Variants in AP3D1 observed in about 807,000 individuals in gnomAD.
AP3D1 encodes adaptor related protein complex 3 subunit delta 1.
AP3D1 carries 51 observed loss-of-function variants against 147.6 expected under a neutral mutation model. The ratio of observed to expected loss-of-function variants is 0.35; its 90% CI spans 0.28 to 0.44. The LOEUF is 0.44. Among genes scored for constraint, AP3D1 ranks in the 20% least tolerant of loss-of-function variants. AP3D1 has a pLI of 1.00. For missense variants in AP3D1, 1,421 were observed against 1,624.2 expected (o/e 0.87, Z 2.15); for synonymous variants, 760 against 663.0 (o/e 1.15, Z -2.25).
chr19:2,158,286 G>A (rs1212603980), intron 1 of AP3D1, among the ~76,000 whole-genome samples: 1 of 151,662 alleles, frequency 6.6e-6, no homozygotes, highest in Non-Finnish European at 1.5e-5. Context: ...TCGATCTCCT[G>A]ACCTTGTGAT....
chr19:2,118,479 A>G (rs1384752172), intron 15 of AP3D1, 122 bp downstream of exon 15: 3 of 995,278 alleles, frequency 3.0e-6, no homozygotes, highest in South Asian at 1.6e-5. Flanking sequence ...AAGTGGCAAC[A>G]AAAGAATCTC....
intron 31 of AP3D1, among the ~76,000 whole-genome samples, chr19:2,106,539 T>G (rs2018114481): frequency 6.6e-6 from 1 of 151,598 alleles, no homozygotes. Context: ...AGAACAAGAC[T>G]CTGTTTCCAA....
chr19:2,128,159 C>T (rs1478280739), intron 8 of AP3D1, among the ~76,000 whole-genome samples: 13 of 152,208 alleles, frequency 8.5e-5, no homozygotes, highest in South Asian at 6.2e-4. Context: ...GTCCTGGCTC[C>T]GCCTCAGCAC....
rs1354372057 is a variant in AP3D1, at chr19:2,115,323, T to C, written c.2245A>G (p.Lys749Glu). 4 of 1,611,330 alleles carry C rather than the reference T, an allele frequency of 2.5e-6. No homozygotes were observed. Among genetic ancestry groups the C allele is most frequent in the Non-Finnish European group, 3.4e-6 (4 of 1,179,824 alleles). The change falls in exon 20 of 32, where the codon AAG (lysine) becomes GAG (glutamate). Residue 749 changes from lysine to glutamate, a missense_variant. By Grantham distance (56) the Lys-to-Glu change is moderately conservative. This residue lies in a region of AP3D1 where 791 missense variants were observed against 761.4 expected (regional missense o/e 1.04). Transcript: ENST00000643116. ...TGGCGGCGCTTGCCCTTCTTCTCCT[T>C]CTCCTTCCTCTTTTTCCTCCTCTTG... ...KDKRRKKRKE[K>E]EKKGKRRHSS... is the part of the protein sequence containing the mutation.
intron 31 of AP3D1, among the ~76,000 whole-genome samples, chr19:2,104,659 G>C (rs112753260): frequency 0.031 from 4,624 of 147,224 alleles, 250 homozygotes; most frequent in African/African-American, 0.11. Context: ...AGGACTCTCT[G>C]ACACAAGTTT....
chr19:2,121,103 G>T lies in AP3D1; in HGVS notation c.1251-11C>A, dbSNP rs1028707593. On this transcript the variant is annotated splice_polypyrimidine_tract_variant and intron_variant, in intron 13 of 31. Coordinates refer to ENST00000643116, the MANE Select transcript of AP3D1 (RefSeq NM_001261826.3). The stretch of plus-strand genomic sequence containing the variant: ...AGGATGCTGATGTACCTGTGGGGCA[G>T]AGGCGGTGAGTGAGCGGCGCCACGG... 2.5e-6 allele frequency: 4 copies of T among 1,613,524 alleles called. No individual in the cohort carries two copies. Among genetic ancestry groups the T allele is most frequent in the Admixed American group, 1.7e-5 (1 of 59,992 alleles).
At chr19:2,122,003 G>A (rs2018625373) in intron 11 of AP3D1, 124 bp from the exon 12 acceptor site, 2 of 1,127,838 alleles carry the variant, frequency 1.8e-6, no homozygotes, top group South Asian at 3.3e-5. Flanking sequence ...CAACCTGGGG[G>A]TGGACAGAGC....
chr19:2,115,095 C>G (rs967939563), intron 20 of AP3D1, 124 bp downstream of exon 20: 1 of 1,046,872 alleles, frequency 9.6e-7, no homozygotes, highest in Non-Finnish European at 1.4e-6. Context: ...CCTATGCTCT[C>G]CGGGGTGGGG....
chr19:2,110,275 T>C (rs1221563811), intron 27 of AP3D1, 51 bp from the exon 28 acceptor site: 6 of 1,501,954 alleles, frequency 4.0e-6, no homozygotes, highest in Non-Finnish European at 4.6e-6. Context: ...GGGCTCAGCA[T>C]GGGTGGGGCC....
intron 15 of AP3D1, 57 bp from the exon 16 acceptor site, chr19:2,117,424 T>C: frequency 6.7e-7 from 1 of 1,502,418 alleles, no homozygotes; most frequent in African/African-American, 1.4e-5. Flanking sequence ...CTCGGCCACC[T>C]TCAGGGACAC....
intron 3 of AP3D1, among the ~76,000 whole-genome samples, chr19:2,137,382 C>T (rs535152510): frequency 2.0e-4 from 31 of 151,982 alleles, no homozygotes; most frequent in Non-Finnish European, 3.2e-4. Context: ...GGCACGATCT[C>T]AGCTCACTGC....
In AP3D1 at chr19:2,115,273, G is replaced by A. The variant is rs749040268; in HGVS notation, c.2295C>T (p.Asp765=). Residue 765 remains aspartate, a synonymous_variant, in exon 20 of 32, where the codon GAC becomes GAT. Transcript: ENST00000643116. ...CCTGCTGGGCAGGGGCGATGTCCTC[G>A]TCGCTCTCCGTGGGCAGCGAGCTGT... ...RRHSSLPTES[D]EDIAPAQQVD... 23 of 1,613,386 alleles carry A rather than the reference G, an allele frequency of 1.4e-5. No individual in the cohort carries two copies. The highest frequency in any genetic ancestry group is 4.0e-5 in the African/African-American group (3 of 74,944).
chr19:2,118,922 C>A, intron 14 of AP3D1, 90 bp from the exon 15 acceptor site: 2 of 1,230,198 alleles, frequency 1.6e-6, no homozygotes, highest in South Asian at 2.9e-5. Context: ...GGGCTCGTCA[C>A]CAACAAGGTG....
Position 2,123,425 on chromosome 19 carries a change from C to T in AP3D1, c.907-19G>A, listed in dbSNP as rs371596397. The stretch of plus-strand genomic sequence containing the variant: ...CACAAAGCTGAAAAGAAGAAAAAAA[C>T]GATGCTGGTTACATCCTCTAAACCA... On this transcript the variant is annotated intron_variant, in intron 10 of 31. Transcript: ENST00000643116. The T allele has an allele frequency of 6.2e-6, 10 of 1,613,360 alleles. 1 individual carries two copies. The highest frequency in any genetic ancestry group is 3.3e-4 in the Middle Eastern group (2 of 6,080).
intron 2 of AP3D1, 75 bp from the exon 3 acceptor site, chr19:2,137,882 G>A (rs976940027): frequency 1.9e-5 from 26 of 1,380,842 alleles, no homozygotes; most frequent in Middle Eastern, 1.8e-4. Context: ...GGCATCAAGC[G>A]CTCCCTCCCA....
chr19:2,125,844 A>AC (rs2018740611), intron 9 of AP3D1, among the ~76,000 whole-genome samples: 1 of 151,708 alleles, frequency 6.6e-6, no homozygotes, highest in African/African-American at 2.4e-5. Flanking sequence ...AGAAAAAAAA[A>AC]AACAAAAGAG....
At chr19:2,163,108 C>T (rs553002736) in intron 1 of AP3D1, among the ~76,000 whole-genome samples, 29 of 152,226 alleles carry the variant, frequency 1.9e-4, no homozygotes, top group African/African-American at 7.0e-4. Context: ...GAGTCTTGCT[C>T]TGTTGCCCAG....
chr19:2,135,648 G>A (rs909628455), intron 4 of AP3D1, among the ~76,000 whole-genome samples: 5 of 151,640 alleles, frequency 3.3e-5, no homozygotes, highest in Admixed American at 6.6e-5. Flanking sequence ...GCCCACCTGC[G>A]TCCGAGGCCA....
Position 2,134,608 on chromosome 19 carries a change from T to C in AP3D1, c.355-2030A>G, listed in dbSNP as rs144785849. 5.1e-3 allele frequency among the ~76,000 whole-genome samples: 736 copies of C among 145,476 alleles called. 4 individuals carry two copies. Among genetic ancestry groups the C allele is most frequent in the African/African-American group, 0.017 (696 of 39,796 alleles). On this transcript the variant is annotated intron_variant, in intron 4 of 31. Coordinates refer to ENST00000643116, the MANE Select transcript of AP3D1 (RefSeq NM_001261826.3). ...TAAAAAAAAAAAAGAAAGAAAATAATTTTTTTTTTTTGAGACGGAGTCTCG... is the reference window on the plus strand; with the variant it reads ...TAAAAAAAAAAAAGAAAGAAAATAACTTTTTTTTTTTGAGACGGAGTCTCG...
Sources: allele counts gnomAD v4.1 joint callset (sites outside exome capture counted in the v4.1 genomes callset), GRCh38; gene constraint gnomAD v4.1.1; regional missense constraint gnomAD v4.1.1; transcripts MANE v1.5; gene names NCBI Gene and HGNC (gene_info 2026-07-23, HGNC 2026-07-21).